Variants in PPFIA1 observed in about 807,000 individuals in gnomAD.
The protein encoded by PPFIA1 is liprin-alpha-1.
PPFIA1 carries 25 observed loss-of-function variants against 149.9 expected under a neutral mutation model. That is an observed-to-expected ratio of 0.17 (90% CI 0.12 to 0.23). PPFIA1 has a LOEUF of 0.23. PPFIA1 is among the 10% of genes least tolerant of loss of function. The pLI is 1.00. For synonymous variants in PPFIA1, 549 were observed against 552.8 expected (o/e 0.99, Z 0.10); for missense variants, 1,362 against 1,506.5 (o/e 0.90, Z 1.59).
chr11:70,312,005 GC>G (rs1354876150), intron 2 of PPFIA1, among the ~76,000 whole-genome samples: 1 of 151,720 alleles, frequency 6.6e-6, no homozygotes, highest in African/African-American at 2.4e-5. Flanking sequence ...ACCACGCCTG[GC>G]TATTTTCTAT....
chr11:70,361,749 G>A (rs2056657255), intron 19 of PPFIA1, among the ~76,000 whole-genome samples: 1 of 150,796 alleles, frequency 6.6e-6, no homozygotes, highest in Non-Finnish European at 1.5e-5. Flanking sequence ...CCAAGTAGCT[G>A]AGACTACAGG....
intron 2 of PPFIA1, among the ~76,000 whole-genome samples, chr11:70,276,699 G>A (rs1410134526): frequency 6.6e-6 from 1 of 152,012 alleles, no homozygotes; most frequent in Admixed American, 6.6e-5. Flanking sequence ...AATTTTATAG[G>A]TAGATGTAGG....
chr11:70,299,028 C>G (rs896209634), intron 2 of PPFIA1, among the ~76,000 whole-genome samples: 14 of 152,066 alleles, frequency 9.2e-5, no homozygotes, highest in Admixed American at 7.9e-4. Flanking sequence ...CACTTGAGCT[C>G]AGGAGTTTGA....
Position 70,384,295 on chromosome 11 carries a change from A to G in PPFIA1, c.*1305A>G, listed in dbSNP as rs1267754501. 1.3e-5 allele frequency: 2 copies of G among 152,602 alleles called. No homozygotes were observed. Among genetic ancestry groups the G allele is most frequent in the Non-Finnish European group, 2.9e-5 (2 of 68,036 alleles). 9.5% of individuals were successfully genotyped at this position (152,602 alleles called of 1,614,324 possible). On this transcript the variant is annotated 3_prime_UTR_variant, in exon 28 of 28. Transcript: ENST00000253925. Reference sequence around the variant, plus strand: ...CTATTAATCTTTTGTCAACTTCCTGATTATGTAACAAAGTATGTACAGTCT... The same window carrying G: ...CTATTAATCTTTTGTCAACTTCCTGGTTATGTAACAAAGTATGTACAGTCT...
chr11:70,290,698 A>T (rs572642674), intron 2 of PPFIA1, among the ~76,000 whole-genome samples: 1 of 152,298 alleles, frequency 6.6e-6, no homozygotes, highest in East Asian at 1.9e-4. Flanking sequence ...AGCTTGAAGC[A>T]TATTGTACAT....
chr11:70,276,058 T>C lies in PPFIA1; in HGVS notation c.264+3622T>C, dbSNP rs201334390. ...AATTTCTTAACATGGATTTTCTGCA[T>C]CTTTTGAGACAGTCATGTGATTTTT... On this transcript the variant is annotated intron_variant, in intron 2 of 27. Coordinates refer to ENST00000253925, the MANE Select transcript of PPFIA1 (RefSeq NM_003626.5). Among the ~76,000 whole-genome samples the C allele has an allele frequency of 6.6e-5, 10 of 152,346 alleles. No homozygotes were observed. In the East Asian group the frequency reaches 1.5e-3, roughly 23 times the overall value.
chr11:70,314,546 C>T (rs1191280192), intron 2 of PPFIA1, among the ~76,000 whole-genome samples: 1 of 152,154 alleles, frequency 6.6e-6, no homozygotes, highest in Non-Finnish European at 1.5e-5. Context: ...ACTCTCATTC[C>T]CAACTGTAGT....
chr11:70,284,058 T>C (rs565512409), intron 2 of PPFIA1: 1 of 519,160 alleles, frequency 1.9e-6, no homozygotes, highest in African/African-American at 1.9e-5. Flanking sequence ...CCTAATATGA[T>C]GCAAAATTGG....
chr11:70,276,135 C>A (rs945719883), intron 2 of PPFIA1, among the ~76,000 whole-genome samples: 1 of 152,082 alleles, frequency 6.6e-6, no homozygotes, highest in African/African-American at 2.4e-5. Flanking sequence ...GAGATGGGGT[C>A]TTGCTCCATT....
intron 21 of PPFIA1, chr11:70,365,804 T>G: frequency 5.2e-6 from 2 of 385,934 alleles, no homozygotes; most frequent in South Asian, 3.9e-5. Flanking sequence ...TGCATGAGTT[T>G]TGCATGATGC....
intron 21 of PPFIA1, chr11:70,365,406 A>G (rs1469738155): frequency 2.2e-6 from 1 of 456,452 alleles, no homozygotes; most frequent in Non-Finnish European, 4.4e-6. Context: ...ACACGAAGAG[A>G]TGGAAACGCT....
chr11:70,280,483 C>T (rs570019066), intron 2 of PPFIA1, among the ~76,000 whole-genome samples: 1 of 152,194 alleles, frequency 6.6e-6, no homozygotes, highest in South Asian at 2.1e-4. Flanking sequence ...GCAGGAGACT[C>T]ACTTGAACCT....
chr11:70,359,640 C>T (rs1277574055), intron 19 of PPFIA1, among the ~76,000 whole-genome samples: 1 of 152,220 alleles, frequency 6.6e-6, no homozygotes, highest in Non-Finnish European at 1.5e-5. Context: ...AGTACTTCCT[C>T]CCATCCCTTA....
At chr11:70,301,859 G>A (rs1591123553) in intron 2 of PPFIA1, among the ~76,000 whole-genome samples, 1 of 152,350 alleles carries the variant, frequency 6.6e-6, no homozygotes, top group South Asian at 2.1e-4. Flanking sequence ...GCAGTACGCA[G>A]CACATGAATG....
chr11:70,291,837 A>ATTTTT (rs398016576), intron 2 of PPFIA1, among the ~76,000 whole-genome samples: 1 of 119,638 alleles, frequency 8.4e-6, no homozygotes, highest in African/African-American at 3.2e-5. Flanking sequence ...CGCCTGGCTA[A>ATTTTT]TTTTTTTTTT....
chr11:70,281,624 G>A (rs1306286293), intron 2 of PPFIA1, among the ~76,000 whole-genome samples: 2 of 152,122 alleles, frequency 1.3e-5, no homozygotes, highest in Admixed American at 1.3e-4. Context: ...CAGACCCTTG[G>A]GGCTTTCTAG....
intron 16 of PPFIA1, among the ~76,000 whole-genome samples, chr11:70,352,698 C>T (rs1012644328): frequency 8.1e-5 from 12 of 148,648 alleles, no homozygotes; most frequent in African/African-American, 2.7e-4. Flanking sequence ...AAGTCTGGCA[C>T]GTGACAGCAC....
Position 70,380,223 on chromosome 11 carries a change from C to T in PPFIA1, c.3551-1865C>T, listed in dbSNP as rs182351220. ...AGGAGTTCGAGACCAGCCTGGCCAA[C>T]GTGGTGAGACCAGCCTGGCCAACGT... On this transcript the variant is annotated intron_variant, in intron 26 of 27. Coordinates refer to ENST00000253925, the MANE Select transcript of PPFIA1 (RefSeq NM_003626.5). Among the ~76,000 whole-genome samples, 6 of 151,508 alleles carry T rather than the reference C, an allele frequency of 4.0e-5. No individual in the cohort carries two copies. In the South Asian group the frequency reaches 8.4e-4, roughly 21 times the overall value.
chr11:70,277,060 A>ATATTT, intron 2 of PPFIA1, among the ~76,000 whole-genome samples: 33 of 66,304 alleles, frequency 5.0e-4, no homozygotes, highest in East Asian at 1.9e-3. Context: ...ATATATATAT[A>ATATTT]TTTTTTTTTT....
Sources: allele counts gnomAD v4.1 joint callset (sites outside exome capture counted in the v4.1 genomes callset), GRCh38; gene constraint gnomAD v4.1.1; transcripts MANE v1.5; gene names NCBI Gene and HGNC (gene_info 2026-07-23, HGNC 2026-07-21).